CRIM1: variants seen among roughly 807,000 people sequenced by gnomAD.
CRIM1 encodes cysteine-rich motor neuron 1 protein.
CRIM1 carries 32 observed loss-of-function variants against 116.4 expected under a neutral mutation model. The ratio of observed to expected loss-of-function variants is 0.27; its 90% CI spans 0.21 to 0.37. The LOEUF is 0.37. Ranked by LOEUF, CRIM1 falls within the 10% of genes least tolerant of loss-of-function variation. The probability of loss-of-function intolerance (pLI) is 1.00; values close to 1 mark genes in which losing one functional copy is unlikely to be tolerated. For synonymous variants in CRIM1, 590 were observed against 509.2 expected (o/e 1.16, Z -2.13); for missense variants, 1,331 against 1,354.8 (o/e 0.98, Z 0.28).
intron 2 of CRIM1, among the ~76,000 whole-genome samples, chr2:36,436,206 A>C (rs1012147747): frequency 1.3e-5 from 2 of 152,156 alleles, no homozygotes; most frequent in East Asian, 3.9e-4. Flanking sequence ...CTGAAAAAAA[A>C]GGTTTCAGAA....
In CRIM1 at chr2:36,377,539, C is replaced by A. The variant is rs551959861; in HGVS notation, c.332-19075C>A. ...TCCCCAACCTCTGTTCATGATTTCC[C>A]TCTGTAAAATGGGAATAACAATAGT... On this transcript the variant is annotated intron_variant, in intron 1 of 16. Coordinates refer to ENST00000280527, the MANE Select transcript of CRIM1 (RefSeq NM_016441.3). 1.3e-4 allele frequency among the ~76,000 whole-genome samples: 20 copies of A among 152,314 alleles called. No homozygotes were observed. In the South Asian group the frequency reaches 4.2e-3, roughly 32 times the overall value.
intron 2 of CRIM1, among the ~76,000 whole-genome samples, chr2:36,410,436 T>A (rs760882279): frequency 8.5e-5 from 13 of 152,198 alleles, no homozygotes; most frequent in Non-Finnish European, 1.8e-4. Context: ...AAAATCCAAG[T>A]TTTACAGACA....
intron 2 of CRIM1, among the ~76,000 whole-genome samples, chr2:36,427,200 CAAAA>C (rs542726534): frequency 9.3e-6 from 1 of 106,996 alleles, no homozygotes; most frequent in Non-Finnish European, 2.0e-5. Context: ...AACTCTGTCT[CAAAA>C]AAAAAAAAGA....
intron 2 of CRIM1, 95 bp downstream of exon 2, chr2:36,396,882 A>G (rs1672067369): frequency 2.8e-6 from 3 of 1,065,406 alleles, no homozygotes; most frequent in East Asian, 2.4e-5. Flanking sequence ...GGCAAAGACA[A>G]GTTTACAGAG....
At chr2:36,526,547 A>C (rs951440609) in intron 13 of CRIM1, among the ~76,000 whole-genome samples, 3 of 152,026 alleles carry the variant, frequency 2.0e-5, no homozygotes, top group African/African-American at 4.8e-5. Flanking sequence ...CAAGGAGGAT[A>C]GCAGAGAAGT....
Position 36,476,906 on chromosome 2 carries a change from G to T in CRIM1, c.1009G>T (p.Val337Leu). 7 of 1,612,892 alleles carry T rather than the reference G, an allele frequency of 4.3e-6. No individual in the cohort carries two copies. The highest frequency in any genetic ancestry group is 5.9e-6 in the Non-Finnish European group (7 of 1,179,472). The change falls in exon 6 of 17, where the codon GTA (valine) becomes TTA (leucine). Residue 337 changes from valine to leucine, a missense_variant. Coordinates refer to ENST00000280527, the MANE Select transcript of CRIM1 (RefSeq NM_016441.3). ...ECVNDTKPAC[V>L]FNNVEYYDGD... is the part of the protein sequence containing the mutation. Reference sequence around the variant, plus strand: ...CTTTTCAGATACAAAGCCAGCCTGCGTATTTAACAATGTGGAATATTATGA... The same window carrying T: ...CTTTTCAGATACAAAGCCAGCCTGCTTATTTAACAATGTGGAATATTATGA...
At chr2:36,384,259 C>T (rs984186574) in intron 1 of CRIM1, among the ~76,000 whole-genome samples, 2 of 152,142 alleles carry the variant, frequency 1.3e-5, no homozygotes, top group African/African-American at 4.8e-5. Flanking sequence ...CTGCAGTAGC[C>T]GGGGAAGGGA....
chr2:36,466,799 C>A (rs897405468), intron 5 of CRIM1, among the ~76,000 whole-genome samples: 1 of 152,124 alleles, frequency 6.6e-6, no homozygotes, highest in Non-Finnish European at 1.5e-5. Context: ...TGTAGGAATC[C>A]TCCATCTATT....
chr2:36,370,019 A>C (rs1669846293), intron 1 of CRIM1, among the ~76,000 whole-genome samples: 1 of 152,226 alleles, frequency 6.6e-6, no homozygotes, highest in Non-Finnish European at 1.5e-5. Flanking sequence ...TCTGTAGATC[A>C]GCAAACTGAA....
rs754763701 is a variant in CRIM1 at position 36,522,272 on chromosome 2, G to C, written c.2387G>C (p.Arg796Thr). ...TCCTGCCCTTCTGTATCCTGTGAAAGACCTGTCTTGAGAAAAGGCCAGTGT... is the reference window on the plus strand; with the variant it reads ...TCCTGCCCTTCTGTATCCTGTGAAACACCTGTCTTGAGAAAAGGCCAGTGT... ...SESCPSVSCE[R>T]PVLRKGQCCP... Residue 796 changes from arginine to threonine, a missense_variant, in exon 13 of 17, where the codon AGA becomes ACA. Physicochemically the swap from Arg to Thr is moderately conservative, Grantham distance 71. This residue lies in a region of CRIM1 where 358 missense variants were observed against 436.1 expected (regional missense o/e 0.82). Transcript: ENST00000280527. The C allele has an allele frequency of 6.2e-7, 1 of 1,614,118 alleles. No individual in the cohort carries two copies. Among genetic ancestry groups the C allele is most frequent in the South Asian group, 1.1e-5 (1 of 91,078 alleles).
rs139627785 is a variant in CRIM1 at position 36,456,469 on chromosome 2, G to A, written c.870-8065G>A. Among the ~76,000 whole-genome samples, 994 of 152,268 alleles carry A rather than the reference G, an allele frequency of 6.5e-3. 36 individuals are homozygous for A. Among genetic ancestry groups the A allele is most frequent in the Admixed American group, 0.053 (809 of 15,288 alleles). On this transcript the variant is annotated intron_variant, in intron 4 of 16. Transcript: ENST00000280527. The stretch of plus-strand genomic sequence containing the variant: ...CCAGCCCAGTTCTCCTTTCCACAGC[G>A]TGATGTGCCAGTTTCCCTTCCTCCT...
At chr2:36,365,240 A>G (rs1171885871) in intron 1 of CRIM1, among the ~76,000 whole-genome samples, 1 of 152,228 alleles carries the variant, frequency 6.6e-6, no homozygotes, top group East Asian at 1.9e-4. Flanking sequence ...GAGCCCCTAC[A>G]TCCAAAGAGC....
chr2:36,543,765 C>CCTAT (rs1263513634), intron 14 of CRIM1, among the ~76,000 whole-genome samples: 1 of 148,560 alleles, frequency 6.7e-6, no homozygotes, highest in African/African-American at 2.6e-5. Context: ...TAGTATAATA[C>CCTAT]CTATCTGATC....
At chr2:36,532,370 T>C (rs1192573884) in intron 13 of CRIM1, among the ~76,000 whole-genome samples, 3 of 152,166 alleles carry the variant, frequency 2.0e-5, no homozygotes, top group African/African-American at 7.2e-5. Context: ...TCTAATCCTC[T>C]TTGAGAGAGT....
At chr2:36,361,041 TA>T (rs1669192857) in intron 1 of CRIM1, among the ~76,000 whole-genome samples, 1 of 152,084 alleles carries the variant, frequency 6.6e-6, no homozygotes, top group Non-Finnish European at 1.5e-5. Flanking sequence ...CTCCCAAAAG[TA>T]AATATTGGCA....
chr2:36,526,348 G>A (rs1241929157), intron 13 of CRIM1, among the ~76,000 whole-genome samples: 1 of 152,188 alleles, frequency 6.6e-6, no homozygotes, highest in Non-Finnish European at 1.5e-5. Context: ...TGGGTGAAAA[G>A]AGATTTCATA....
At chr2:36,518,930 G>A (rs1665195305) in intron 12 of CRIM1, among the ~76,000 whole-genome samples, 1 of 152,206 alleles carries the variant, frequency 6.6e-6, no homozygotes, top group African/African-American at 2.4e-5. Context: ...CAAGGTTAAT[G>A]AAAACAGACA....
chr2:36,494,463 G>A (rs1436934580), intron 7 of CRIM1, among the ~76,000 whole-genome samples: 3 of 152,164 alleles, frequency 2.0e-5, no homozygotes, highest in Admixed American at 6.5e-5. Context: ...GTTATTGCAC[G>A]TTAGAAGATA....
chr2:36,441,449 A>G lies in CRIM1; in HGVS notation c.697A>G (p.Lys233Glu), dbSNP rs753769140. Residue 233 changes from lysine (K) to glutamate (E), a missense_variant, in exon 3 of 17, where the codon AAA becomes GAA. Transcript: ENST00000280527. ...GGGAAACCTGAACATACTAGTGTCA[A>G]AAGCCTCAGGGAAGCCGGGAGAGTG... ...QPGNLNILVS[K>E]ASGKPGECCD... is the part of the protein sequence containing the mutation. 8.1e-6 allele frequency: 13 copies of G among 1,613,888 alleles called. No homozygotes were observed. The African/African-American group carries it at 9.3e-5, about 12-fold the overall frequency.
Sources: allele counts gnomAD v4.1 joint callset (sites outside exome capture counted in the v4.1 genomes callset), GRCh38; gene constraint gnomAD v4.1.1; regional missense constraint gnomAD v4.1.1; transcripts MANE v1.5; gene names NCBI Gene and HGNC (gene_info 2026-07-23, HGNC 2026-07-21).